BICRAL: variants seen among roughly 807,000 people sequenced by gnomAD.
The protein encoded by BICRAL is BICRA like chromatin remodeling complex associated protein.
A neutral mutation model predicts 91.8 loss-of-function variants in BICRAL; 8 were observed. The ratio of observed to expected loss-of-function variants is 0.09; its 90% CI spans 0.05 to 0.16. The LOEUF (loss-of-function observed/expected upper bound fraction) is 0.16. BICRAL is among the 10% of genes least tolerant of loss of function. The pLI is 1.00. For missense variants in BICRAL, 1,038 were observed against 1,310.9 expected, an observed-to-expected ratio of 0.79 and a Z score of 3.21; for synonymous variants, 445 against 491.1, an observed-to-expected ratio of 0.91 and a Z score of 1.24.
intron 6 of BICRAL, among the ~76,000 whole-genome samples, chr6:42,833,524 T>G (rs1453998272): frequency 6.6e-6 from 1 of 151,808 alleles, no homozygotes; most frequent in African/African-American, 2.4e-5. Flanking sequence ...CTCGGCTCAC[T>G]GCAACCTCCA....
rs1376330910 is a variant in BICRAL, at chr6:42,797,221, G to A, written c.-101-13085G>A. Among the ~76,000 whole-genome samples, 4 of 152,026 alleles carry A rather than the reference G, an allele frequency of 2.6e-5. No individual in the cohort carries two copies. In the South Asian group the frequency reaches 8.3e-4, roughly 32 times the overall value. On this transcript the variant is annotated intron_variant, in intron 1 of 12. Transcript: ENST00000314073. ...AGAACTTATGTATAACTTATAAGAG[G>A]AACTTAGGTGGAAAAGAACCAATTT...
At chr6:42,805,212 G>A (rs1178271757) in intron 1 of BICRAL, among the ~76,000 whole-genome samples, 1 of 152,196 alleles carries the variant, frequency 6.6e-6, no homozygotes, top group African/African-American at 2.4e-5. Context: ...AGACATGGGA[G>A]AGGAAGAAGA....
chr6:42,794,796 A>C (rs1763375048), intron 1 of BICRAL, among the ~76,000 whole-genome samples: 1 of 120,728 alleles, frequency 8.3e-6, no homozygotes, highest in South Asian at 2.7e-4. Flanking sequence ...TAAAAATACA[A>C]AAAAAAAAAA....
chr6:42,853,681 C>G lies in BICRAL; in HGVS notation c.1989C>G (p.Thr663=). The part of the protein sequence containing the change: ...GSKVISASLG[T]AQPQQEKVVG... Reference sequence around the variant, plus strand: ...AAGTTATATCCGCATCCTTAGGAACCGCACAACCACAGCAGGAAAAAGTAG... The same window carrying G: ...AAGTTATATCCGCATCCTTAGGAACGGCACAACCACAGCAGGAAAAAGTAG... Residue 663 remains threonine (T), a synonymous_variant, in exon 8 of 13, where the codon ACC becomes ACG. Transcript: ENST00000314073. 8.7e-6 allele frequency: 14 copies of G among 1,614,048 alleles called. No homozygotes were observed. The highest frequency in any genetic ancestry group is 1.2e-5 in the Non-Finnish European group (14 of 1,179,918).
rs774800162 is a variant in BICRAL, at chr6:42,843,045, C to T, written c.1840-9047C>T. ...ATTTTTTGTATTTTTTTAGTAGAGA[C>T]GGGGTTTTACCATGTTAGCCAGGCT... On this transcript the variant is annotated intron_variant, in intron 6 of 12. Transcript: ENST00000314073. Among the ~76,000 whole-genome samples, 47 of 152,010 alleles carry T rather than the reference C, an allele frequency of 3.1e-4. 1 individual carries two copies. Among genetic ancestry groups the T allele is most frequent in the East Asian group, 1.9e-4 (1 of 5,162 alleles).
chr6:42,766,758 G>A (rs1034471491), intron 1 of BICRAL, among the ~76,000 whole-genome samples: 1 of 151,896 alleles, frequency 6.6e-6, no homozygotes, highest in Non-Finnish European at 1.5e-5. Flanking sequence ...AGAATTGATT[G>A]TGCCGGGTGC....
chr6:42,798,143 C>T (rs958360333), intron 1 of BICRAL, among the ~76,000 whole-genome samples: 6 of 151,666 alleles, frequency 4.0e-5, no homozygotes, highest in South Asian at 2.1e-4. Flanking sequence ...AACAATGGTA[C>T]GCATGGACAT....
At chr6:42,809,292 A>G (rs2113913766) in intron 1 of BICRAL, among the ~76,000 whole-genome samples, 1 of 152,044 alleles carries the variant, frequency 6.6e-6, no homozygotes, top group South Asian at 2.1e-4. Context: ...GGCTGCTGTT[A>G]GGCTTATTTC....
At chr6:42,821,978 G>T (rs1394937503) in intron 2 of BICRAL, 40 bp from the exon 3 acceptor site, 5 of 1,349,502 alleles carry the variant, frequency 3.7e-6, no homozygotes, top group Non-Finnish European at 5.3e-6. Context: ...TCTTTAATCT[G>T]CTTTACTGAA....
intron 3 of BICRAL, 80 bp downstream of exon 3, chr6:42,822,143 C>A: frequency 1.3e-6 from 1 of 766,350 alleles, no homozygotes; most frequent in Non-Finnish European, 2.3e-6. Context: ...TAGCATATAA[C>A]ACCTGATAGG....
chr6:42,857,858 G>A (rs1481789815), intron 10 of BICRAL, among the ~76,000 whole-genome samples: 3 of 117,534 alleles, frequency 2.6e-5, no homozygotes, highest in Non-Finnish European at 4.8e-5. Flanking sequence ...CACCCAGGTT[G>A]GAGTGCAGTG....
At chr6:42,777,022 G>C (rs1299017090) in intron 1 of BICRAL, among the ~76,000 whole-genome samples, 1 of 152,160 alleles carries the variant, frequency 6.6e-6, no homozygotes, top group Non-Finnish European at 1.5e-5. Context: ...AAATAACTCT[G>C]CTAGGCTCTT....
chr6:42,766,687 A>G (rs1005923474), intron 1 of BICRAL, among the ~76,000 whole-genome samples: 2 of 151,976 alleles, frequency 1.3e-5, no homozygotes, highest in Non-Finnish European at 2.9e-5. Context: ...AAAAATACAA[A>G]AATTAGCTGG....
chr6:42,860,354 A>C lies in BICRAL; in HGVS notation c.2347A>C (p.Met783Leu), dbSNP rs760506830. Reference sequence around the variant, plus strand: ...CAGATGCCTGCTCCTAGAAGATGCCATGGTAAAAGTCATGCTACTGATATT... The same window carrying C: ...CAGATGCCTGCTCCTAGAAGATGCCCTGGTAAAAGTCATGCTACTGATATT... ...KYRCLLLEDAMRINPSAEMVM... is the reference protein window; with the variant it reads ...KYRCLLLEDALRINPSAEMVM... Residue 783 changes from methionine to leucine, a missense_variant and splice_region_variant, in exon 11 of 13, where the codon ATG (methionine) becomes CTG (leucine). By Grantham distance (15) the Met-to-Leu change is conservative (BLOSUM62 2). Around this residue, in one of 5 missense-constraint regions of BICRAL, gnomAD observed 294 missense variants for 292.6 expected, o/e 1.00. Coordinates refer to ENST00000314073, the MANE Select transcript of BICRAL (RefSeq NM_001393499.1). 6 of 1,588,308 alleles carry C rather than the reference A, an allele frequency of 3.8e-6. No homozygotes were observed. In the South Asian group the frequency reaches 6.6e-5, roughly 18 times the overall value.
chr6:42,798,814 C>A (rs756879893), intron 1 of BICRAL, among the ~76,000 whole-genome samples: 1 of 152,186 alleles, frequency 6.6e-6, no homozygotes, highest in Non-Finnish European at 1.5e-5. Flanking sequence ...CCTTGCGGAG[C>A]GTGGCTACCC....
chr6:42,828,657 A>T lies in BICRAL; in HGVS notation c.324A>T (p.Lys108Asn). 1 of 1,614,120 alleles carries T rather than the reference A, an allele frequency of 6.2e-7. No homozygotes were observed. Among genetic ancestry groups the T allele is most frequent in the Non-Finnish European group, 8.5e-7 (1 of 1,180,000 alleles). Residue 108 changes from lysine to asparagine, a missense_variant, in exon 6 of 13, where the codon AAA becomes AAT. This residue lies in a region of BICRAL where 5 missense variants were observed against 24.0 expected (regional missense o/e 0.21). Transcript: ENST00000314073. ...TEDQPFDILQ[K>N]SLQEANITEQ... Reference sequence around the variant, plus strand: ...ACCAACCTTTCGACATTCTTCAGAAATCCTTGCAAGAGGCCAATATCACTG... The same window carrying T: ...ACCAACCTTTCGACATTCTTCAGAATTCCTTGCAAGAGGCCAATATCACTG...
chr6:42,816,725 AG>A (rs990994134), intron 2 of BICRAL, among the ~76,000 whole-genome samples: 1 of 152,180 alleles, frequency 6.6e-6, no homozygotes, highest in Admixed American at 6.5e-5. Context: ...ATATAAATAA[AG>A]AGTATCAGCC....
In BICRAL at chr6:42,857,165, A is replaced by G; in HGVS notation, c.2183A>G (p.Asp728Gly). The G allele has an allele frequency of 6.2e-7, 1 of 1,613,546 alleles. No individual in the cohort carries two copies. Residue 728 changes from aspartate (D) to glycine (G), a missense_variant, in exon 10 of 13, where the codon GAT becomes GGT. Coordinates refer to ENST00000314073, the MANE Select transcript of BICRAL (RefSeq NM_001393499.1). Reference protein sequence around the residue: ...PDKSHFRSLSDAVQRLLSYHV... With the variant: ...PDKSHFRSLSGAVQRLLSYHV... ...AAAAGTCACTTCCGATCACTAAGTG[A>G]TGCGGTACAGAGACTGCTCTCCTAC... is the stretch of plus-strand genomic sequence containing the variant.
rs34115804 is a variant in BICRAL at position 42,844,508 on chromosome 6, CAAAAAAAAAAAAAAAAAAAAAAA to C, written c.1840-7569_1840-7547del. 2.3e-3 allele frequency among the ~76,000 whole-genome samples: 71 copies of C among 31,460 alleles called. 2 individuals carry two copies. Among genetic ancestry groups the C allele is most frequent in the East Asian group, 7.5e-3 (6 of 804 alleles). 20.6% of individuals were successfully genotyped at this position (31,460 alleles called of 152,430 possible). On this transcript the variant is annotated intron_variant, in intron 6 of 12. Transcript: ENST00000314073. The stretch of plus-strand genomic sequence containing the variant: ...TGGGCTACAGAGCAAGACTCCATCT[CAAAAAAAAAAAAAAAAAAAAAAA>C]AAAAAAAAAAAAAAGAGGGTGTTGC...
Sources: gnomAD v4.1 joint callset for allele counts (sites outside exome capture counted in the v4.1 genomes callset) on GRCh38, gnomAD v4.1.1 for gene constraint, gnomAD v4.1.1 regional missense constraint, MANE v1.5 for transcripts, NCBI Gene and HGNC (gene_info 2026-07-23, HGNC 2026-07-21) for gene names.